Variants in NAV3 observed in about 807,000 individuals in gnomAD.
NAV3 encodes pore membrane and/or filament interacting like protein 1.
NAV3 carries 87 observed loss-of-function variants against 244.7 expected under a neutral mutation model. That is an observed-to-expected ratio of 0.36 (90% CI 0.30 to 0.42). The LOEUF is 0.42. NAV3 is among the 20% of genes least tolerant of loss of function. NAV3 has a pLI of 1.00. For synonymous variants in NAV3, 1,126 were observed against 1,042.2 expected (o/e 1.08, Z -1.55); for missense variants, 2,663 against 2,893.3 (o/e 0.92, Z 1.83).
At chr12:78,123,070 G>A (rs536278650) in intron 16 of NAV3, among the ~76,000 whole-genome samples, 3 of 152,048 alleles carry the variant, frequency 2.0e-5, no homozygotes, top group Admixed American at 6.6e-5. Context: ...ACATAGCAAG[G>A]CATTTCTTAC....
chr12:77,987,388 A>T (rs1275837160), intron 5 of NAV3, among the ~76,000 whole-genome samples: 1 of 152,242 alleles, frequency 6.6e-6, no homozygotes, highest in Non-Finnish European at 1.5e-5. Flanking sequence ...CATATTTGTC[A>T]GTTGGTTGTA....
chr12:77,700,468 TACAG>T (rs1236184674), intron 2 of NAV3, among the ~76,000 whole-genome samples: 1 of 152,156 alleles, frequency 6.6e-6, no homozygotes, highest in Non-Finnish European at 1.5e-5. Flanking sequence ...TATTTGAGAA[TACAG>T]ACAGTTTAAA....
intron 2 of NAV3, among the ~76,000 whole-genome samples, chr12:77,680,691 A>G (rs1247449604): frequency 6.6e-6 from 1 of 152,198 alleles, no homozygotes; most frequent in Non-Finnish European, 1.5e-5. Context: ...ATTGATTTTC[A>G]GGAAACTTTT....
At chr12:77,949,956 T>C (rs1004283209) in intron 3 of NAV3, among the ~76,000 whole-genome samples, 1 of 152,096 alleles carries the variant, frequency 6.6e-6, no homozygotes, top group Non-Finnish European at 1.5e-5. Flanking sequence ...CTTAGTAATA[T>C]GGATTTAAGT....
intron 16 of NAV3, among the ~76,000 whole-genome samples, chr12:78,124,573 C>G (rs1338269352): frequency 2.0e-5 from 3 of 152,266 alleles, no homozygotes; most frequent in South Asian, 2.1e-4. Context: ...CATGCCTCAG[C>G]CACCTGAGTA....
chr12:78,002,193 G>A (rs10859789), intron 7 of NAV3, among the ~76,000 whole-genome samples: 17,419 of 152,092 alleles, frequency 0.11, 1,161 homozygotes, highest in South Asian at 0.15. Context: ...AGCTTTATTT[G>A]GAATCCAGTT....
chr12:77,939,140 T>G (rs181272006), intron 1 of NAV3, among the ~76,000 whole-genome samples: 124 of 152,278 alleles, frequency 8.1e-4, no homozygotes, highest in Admixed American at 2.6e-3. Context: ...TAGAAATGTT[T>G]AAAAAGTTTT....
At chr12:77,849,504 G>A (rs1269638755) in intron 1 of NAV3, among the ~76,000 whole-genome samples, 1 of 152,138 alleles carries the variant, frequency 6.6e-6, no homozygotes, top group South Asian at 2.1e-4. Flanking sequence ...GATTTCAGGT[G>A]ATGGGTTGTA....
chr12:77,979,355 A>G (rs563406601), intron 5 of NAV3, among the ~76,000 whole-genome samples: 79 of 152,074 alleles, frequency 5.2e-4, no homozygotes, highest in South Asian at 3.5e-3. Context: ...TTGCACCACT[A>G]CATTCCAGCC....
chr12:77,690,091 A>G (rs981171600), intron 2 of NAV3, among the ~76,000 whole-genome samples: 7 of 151,790 alleles, frequency 4.6e-5, no homozygotes, highest in African/African-American at 1.7e-4. Flanking sequence ...ATTCAGCTTT[A>G]ACAGGTTCAT....
chr12:77,941,023 T>C, intron 2 of NAV3, 58 bp from the exon 3 acceptor site: 1 of 1,107,912 alleles, frequency 9.0e-7, no homozygotes, highest in Non-Finnish European at 1.3e-6. Flanking sequence ...GTGTTTCACT[T>C]CATTGCTTAA....
chr12:78,145,781 A>T lies in NAV3; in HGVS notation c.4684-588A>T, dbSNP rs73147954. On this transcript the variant is annotated intron_variant, in intron 20 of 39. Coordinates refer to ENST00000397909, the MANE Select transcript of NAV3 (RefSeq NM_001024383.2). The stretch of plus-strand genomic sequence containing the variant: ...TTTTCATTGTTTAAGCGTTTTGCTG[A>T]CTTGTGATAATTAAAATTATTAATA... Among the ~76,000 whole-genome samples, 336 of 152,286 alleles carry T rather than the reference A, an allele frequency of 2.2e-3. 3 individuals carry two copies. The highest frequency in any genetic ancestry group is 3.7e-3 in the Non-Finnish European group (254 of 68,016).
At chr12:77,663,992 C>T (rs1055520356) in intron 2 of NAV3, among the ~76,000 whole-genome samples, 2 of 152,102 alleles carry the variant, frequency 1.3e-5, no homozygotes, top group African/African-American at 2.4e-5. Context: ...ATTGAAAAGT[C>T]CTGGTGTAGT....
rs553607340 is a variant in NAV3 at position 77,631,295 on chromosome 12, T to C, written c.72+59029T>C. 1.4e-4 allele frequency among the ~76,000 whole-genome samples: 22 copies of C among 152,158 alleles called. No individual in the cohort carries two copies. The East Asian group carries it at 4.1e-3, about 28-fold the overall frequency. On this transcript the variant is annotated intron_variant, in intron 2 of 8. Transcript: ENST00000550042. Reference sequence around the variant, plus strand: ...GCAAATGTACAAGCTGCCTTAACTCTTTCAGGACACCAGGGTACCATTTGG... The same window carrying C: ...GCAAATGTACAAGCTGCCTTAACTCCTTCAGGACACCAGGGTACCATTTGG...
intron 5 of NAV3, among the ~76,000 whole-genome samples, chr12:77,981,631 T>C (rs1869578165): frequency 6.6e-6 from 1 of 152,048 alleles, no homozygotes; most frequent in Non-Finnish European, 1.5e-5. Flanking sequence ...ATTTTTTTTC[T>C]CAAGCCATTT....
chr12:77,578,899 C>T (rs1439625531), intron 2 of NAV3, among the ~76,000 whole-genome samples: 6 of 135,252 alleles, frequency 4.4e-5, no homozygotes, highest in South Asian at 2.5e-4. Flanking sequence ...TTATTCTATT[C>T]GTTAAAAAAA....
chr12:77,761,399 AT>A (rs1264813655), intron 2 of NAV3, among the ~76,000 whole-genome samples: 1 of 152,186 alleles, frequency 6.6e-6, no homozygotes, highest in Non-Finnish European at 1.5e-5. Flanking sequence ...TTCAGCTGCT[AT>A]CTCCCAACAT....
chr12:78,198,593 AT>A lies in NAV3; in HGVS notation c.6447-5del. ...TCCAGTAAATTAAAATTTTCTATTT[AT>A]TTTTTTCTAGTCCATATATTATTGG... On this transcript the variant is annotated splice_polypyrimidine_tract_variant and intron_variant, in intron 35 of 39. Coordinates refer to ENST00000397909, the MANE Select transcript of NAV3 (RefSeq NM_001024383.2). 4 of 1,525,336 alleles carry A rather than the reference AT, an allele frequency of 2.6e-6. No homozygotes were observed. The highest frequency in any genetic ancestry group is 1.9e-5 in the Admixed American group (1 of 51,706). 94.5% of individuals were successfully genotyped at this position (1,525,336 alleles called of 1,614,324 possible). A position where few individuals can be genotyped will look rare whatever the true frequency, so the allele number is the denominator to read the frequency against.
chr12:77,664,039 A>G (rs1355694811), intron 2 of NAV3, among the ~76,000 whole-genome samples: 1 of 152,250 alleles, frequency 6.6e-6, no homozygotes, highest in Admixed American at 6.5e-5. Flanking sequence ...ACATTTCTAC[A>G]TATTAACCCT....
Sources: allele counts gnomAD v4.1 joint callset (sites outside exome capture counted in the v4.1 genomes callset), GRCh38; gene constraint gnomAD v4.1.1; transcripts MANE v1.5; gene names NCBI Gene and HGNC (gene_info 2026-07-23, HGNC 2026-07-21).